The following MDGA2 variants were observed in gnomAD, a reference collection of about 807,000 sequenced individuals.
MDGA2 encodes the protein MAM domain containing glycosylphosphatidylinositol anchor 2.
In MDGA2, 40 loss-of-function variants were observed where a neutral mutation model predicts 117.8. That is an observed-to-expected ratio of 0.34 (90% CI 0.26 to 0.44). The LOEUF is 0.44. MDGA2 is among the 20% of genes least tolerant of loss of function. The pLI is 1.00. For missense variants in MDGA2, 1,123 were observed against 1,250.6 expected (o/e 0.90, Z 1.54); for synonymous variants, 452 against 439.0 (o/e 1.03, Z -0.37).
intron 2 of MDGA2, among the ~76,000 whole-genome samples, chr14:47,274,062 C>T (rs1475916000): frequency 6.6e-6 from 1 of 152,070 alleles, no homozygotes; most frequent in African/African-American, 2.4e-5. Context: ...GCAATCACTA[C>T]TGAAATTTCA....
At chr14:47,160,060 C>T (rs1158721344) in intron 3 of MDGA2, among the ~76,000 whole-genome samples, 1 of 152,098 alleles carries the variant, frequency 6.6e-6, no homozygotes, top group South Asian at 2.1e-4. Flanking sequence ...ACTTCGAGGT[C>T]TAATTTTATT....
At chr14:47,435,612 T>C (rs553428338) in intron 1 of MDGA2, among the ~76,000 whole-genome samples, 2 of 152,274 alleles carry the variant, frequency 1.3e-5, no homozygotes, top group East Asian at 3.9e-4. Context: ...TAATGTTTAA[T>C]TTGTTTTCTA....
At chr14:46,863,796 GTAGT>G (rs893713886) in intron 14 of MDGA2, among the ~76,000 whole-genome samples, 4 of 152,086 alleles carry the variant, frequency 2.6e-5, no homozygotes, top group Non-Finnish European at 4.4e-5. Context: ...GAGTTTAGAA[GTAGT>G]TAGTGGTTCA....
chr14:47,545,005 C>T (rs181629431), intron 1 of MDGA2, among the ~76,000 whole-genome samples: 2 of 152,098 alleles, frequency 1.3e-5, no homozygotes, highest in Non-Finnish European at 2.9e-5. Context: ...TCTGTGCCAA[C>T]CAAAATTGAT....
intron 1 of MDGA2, among the ~76,000 whole-genome samples, chr14:47,540,540 G>GTGTATGTGTATATATATA: frequency 6.3e-5 from 5 of 79,188 alleles, no homozygotes; most frequent in African/African-American, 2.0e-4. Context: ...GTGTGTGTGT[G>GTGTATGTGTATATATATA]TATATATATA....
intron 10 of MDGA2, among the ~76,000 whole-genome samples, chr14:46,907,920 C>T (rs576041311): frequency 2.6e-5 from 4 of 152,220 alleles, no homozygotes; most frequent in Admixed American, 6.5e-5. Flanking sequence ...CTGTCTTCTC[C>T]TTAGCTCAGA....
Position 47,127,537 on chromosome 14 carries a change from T to C in MDGA2, c.925+4177A>G, listed in dbSNP as rs534038804. ...ATGTCTGATTACAGTTACTGAAGAG[T>C]TGAATAGGTACTAGTTTATATTTTT... On this transcript the variant is annotated intron_variant, in intron 5 of 16. Transcript: ENST00000399232. Among the ~76,000 whole-genome samples, 27 of 152,178 alleles carry C rather than the reference T, an allele frequency of 1.8e-4. 1 individual carries two copies. The East Asian group carries it at 4.6e-3, about 26-fold the overall frequency.
Position 47,133,617 on chromosome 14 carries a change from A to C in MDGA2, c.793-1771T>G, listed in dbSNP as rs1018832169. On this transcript the variant is annotated intron_variant, in intron 4 of 16. Coordinates refer to ENST00000399232, the MANE Select transcript of MDGA2 (RefSeq NM_001113498.3). ...AGCCCCATTTCCAGAATTCTCCCTTAAGTTTCAGATACACATAACAAATGT... is the reference window on the plus strand; with the variant it reads ...AGCCCCATTTCCAGAATTCTCCCTTCAGTTTCAGATACACATAACAAATGT... 9.9e-5 allele frequency among the ~76,000 whole-genome samples: 15 copies of C among 152,016 alleles called. No individual in the cohort carries two copies. In the East Asian group the frequency reaches 2.1e-3, roughly 22 times the overall value.
chr14:47,249,847 T>C (rs1335238651), intron 2 of MDGA2, among the ~76,000 whole-genome samples: 1 of 152,246 alleles, frequency 6.6e-6, no homozygotes, highest in Non-Finnish European at 1.5e-5. Flanking sequence ...TTCTTTTGTG[T>C]TGCAGATCCT....
At chr14:47,041,390 A>C (rs1566588504) in intron 7 of MDGA2, among the ~76,000 whole-genome samples, 1 of 152,124 alleles carries the variant, frequency 6.6e-6, no homozygotes, top group Admixed American at 6.6e-5. Context: ...CAAATTTAGC[A>C]TAAATATTTG....
chr14:47,136,028 A>G (rs1467362337), intron 4 of MDGA2, among the ~76,000 whole-genome samples: 1 of 152,058 alleles, frequency 6.6e-6, no homozygotes. Context: ...GTTTAACGCT[A>G]CTAATCTCCT....
chr14:47,644,998 A>G (rs1314003638), intron 1 of MDGA2, among the ~76,000 whole-genome samples: 1 of 152,186 alleles, frequency 6.6e-6, no homozygotes, highest in Non-Finnish European at 1.5e-5. Flanking sequence ...CAGCCACTAG[A>G]AGCTGGAAAA....
intron 1 of MDGA2, among the ~76,000 whole-genome samples, chr14:47,663,175 C>A (rs1897881920): frequency 6.6e-6 from 1 of 152,180 alleles, no homozygotes; most frequent in Admixed American, 6.5e-5. Flanking sequence ...TTCTGAGATA[C>A]CAAGTTAGAC....
chr14:47,598,957 G>C (rs1896595752), intron 1 of MDGA2, among the ~76,000 whole-genome samples: 1 of 152,034 alleles, frequency 6.6e-6, no homozygotes, highest in Admixed American at 6.6e-5. Flanking sequence ...GTAAGGAAGT[G>C]TTATTTTAAA....
chr14:47,664,938 C>G (rs930396671), intron 1 of MDGA2, among the ~76,000 whole-genome samples: 1 of 152,228 alleles, frequency 6.6e-6, no homozygotes, highest in Non-Finnish European at 1.5e-5. Flanking sequence ...ACACACACTT[C>G]AGAATCTTGA....
Position 46,866,880 on chromosome 14 carries a change from A to C in MDGA2, c.2752+6553T>G, listed in dbSNP as rs891581906. On this transcript the variant is annotated intron_variant, in intron 14 of 16. Transcript: ENST00000399232. ...CCAGTTAGAATGGCAATCATTAAAAAGTCAGAAAACAACAGATGCTGGAGA... is the reference window on the plus strand; with the variant it reads ...CCAGTTAGAATGGCAATCATTAAAACGTCAGAAAACAACAGATGCTGGAGA... Among the ~76,000 whole-genome samples the C allele has an allele frequency of 4.8e-5, 7 of 145,602 alleles. No homozygotes were observed. The East Asian group carries it at 9.7e-4, about 20-fold the overall frequency.
chr14:47,362,058 A>T (rs1009832673), intron 1 of MDGA2, among the ~76,000 whole-genome samples: 3 of 152,158 alleles, frequency 2.0e-5, no homozygotes, highest in Non-Finnish European at 4.4e-5. Context: ...ATCTATTTGC[A>T]TATATATCAC....
At chr14:47,139,462 C>T (rs1015762531) in intron 4 of MDGA2, among the ~76,000 whole-genome samples, 1 of 151,724 alleles carries the variant, frequency 6.6e-6, no homozygotes, top group Non-Finnish European at 1.5e-5. Flanking sequence ...TATCAACAAA[C>T]ATTAGAGGAG....
intron 7 of MDGA2, among the ~76,000 whole-genome samples, chr14:47,044,427 A>C (rs1889185361): frequency 6.6e-6 from 1 of 152,132 alleles, no homozygotes; most frequent in African/African-American, 2.4e-5. Context: ...ATCAGCAGTA[A>C]AGGAAAGGCT....
Sources: allele counts gnomAD v4.1 joint callset (sites outside exome capture counted in the v4.1 genomes callset), GRCh38; gene constraint gnomAD v4.1.1; transcripts MANE v1.5; gene names NCBI Gene and HGNC (gene_info 2026-07-23, HGNC 2026-07-21).